Variants in HEPACAM observed in about 807,000 individuals in gnomAD.
The protein encoded by HEPACAM is hepatic and glial cell adhesion molecule, also known as hepatocyte cell adhesion molecule.
HEPACAM carries 18 observed loss-of-function variants against 38.3 expected under a neutral mutation model. The observed-to-expected ratio is 0.47, with a 90% CI of 0.33 to 0.70. The LOEUF (loss-of-function observed/expected upper bound fraction) is 0.70, where lower values mean the gene tolerates loss of function less well. Ranked by LOEUF, HEPACAM falls within the 30% of genes least tolerant of loss-of-function variation. HEPACAM has a pLI of 0.03. For missense variants in HEPACAM, 466 were observed against 563.0 expected, an observed-to-expected ratio of 0.83 and a Z score of 1.74; for synonymous variants, 216 against 243.1, an observed-to-expected ratio of 0.89 and a Z score of 1.04.
chr11:124,919,400 C>G lies in HEPACAM; in HGVS notation c.*1738G>C. On this transcript the variant is annotated 3_prime_UTR_variant, in exon 7 of 7. Transcript: ENST00000298251. Reference sequence around the variant, plus strand: ...CAATTTAAGGCAGATTTGGCTTAAGCCTGGCAAGCTGGCCCCTCAGGGATT... The same window carrying G: ...CAATTTAAGGCAGATTTGGCTTAAGGCTGGCAAGCTGGCCCCTCAGGGATT... 1 of 266,080 alleles carries G rather than the reference C, an allele frequency of 3.8e-6. No individual in the cohort carries two copies. The highest frequency in any genetic ancestry group is 4.9e-5 in the Admixed American group (1 of 20,304). 16.5% of individuals were successfully genotyped at this position (266,080 alleles called of 1,614,324 possible).
chr11:124,920,701 A>G lies in HEPACAM; in HGVS notation c.*437T>C. The G allele has an allele frequency of 9.7e-7, 1 of 1,032,772 alleles. No individual in the cohort carries two copies. Among genetic ancestry groups the G allele is most frequent in the Non-Finnish European group, 1.2e-6 (1 of 857,600 alleles). 64.0% of individuals were successfully genotyped at this position (1,032,772 alleles called of 1,614,324 possible). On this transcript the variant is annotated 3_prime_UTR_variant, in exon 7 of 7. Transcript: ENST00000298251. ...TGCAAAAAAAAAAAAAAAAAAAAAA[A>G]AAAAAAAAGTGCCCCAGCACTCAGG...
chr11:124,927,500 G>A (rs1352831026), intron 1 of HEPACAM, among the ~76,000 whole-genome samples: 1 of 132,130 alleles, frequency 7.6e-6, no homozygotes, highest in African/African-American at 2.9e-5. Context: ...GTGCCACTAT[G>A]CCCAGCTAGG....
chr11:124,932,585 A>T (rs938033286), intron 1 of HEPACAM, among the ~76,000 whole-genome samples: 1 of 152,182 alleles, frequency 6.6e-6, no homozygotes, highest in Non-Finnish European at 1.5e-5. Context: ...TGTCTGCCAT[A>T]GTATAAGATT....
Position 124,923,464 on chromosome 11 carries a change from G to A in HEPACAM, c.710-31C>T, listed in dbSNP as rs760034257. On this transcript the variant is annotated intron_variant, in intron 3 of 6. Coordinates refer to ENST00000298251, the MANE Select transcript of HEPACAM (RefSeq NM_152722.5). Reference sequence around the variant, plus strand: ...GAGAGAGAGAAGCAGAGAGGCAGGAGGGACTTCAAAGGGGCAAGATGTGGT... The same window carrying A: ...GAGAGAGAGAAGCAGAGAGGCAGGAAGGACTTCAAAGGGGCAAGATGTGGT... The A allele has an allele frequency of 5.3e-6, 8 of 1,497,884 alleles. No homozygotes were observed. The Admixed American group carries it at 1.3e-4, about 25-fold the overall frequency. 92.8% of individuals were successfully genotyped at this position (1,497,884 alleles called of 1,614,324 possible). A position where few individuals can be genotyped will look rare whatever the true frequency, so the allele number is the denominator to read the frequency against.
Position 124,919,869 on chromosome 11 carries a change from A to G in HEPACAM, c.*1269T>C. The G allele has an allele frequency of 6.2e-7, 1 of 1,614,162 alleles. No individual in the cohort carries two copies. The highest frequency in any genetic ancestry group is 2.2e-5 in the East Asian group (1 of 44,884). ...TTAAGGAGGAGGGAATGGAATACAC[A>G]GAGGGCCTCCTTCTCTTTCAGCTTT... On this transcript the variant is annotated 3_prime_UTR_variant, in exon 7 of 7. Coordinates refer to ENST00000298251, the MANE Select transcript of HEPACAM (RefSeq NM_152722.5).
At chr11:124,933,677 C>T (rs2135408083) in intron 1 of HEPACAM, among the ~76,000 whole-genome samples, 1 of 152,216 alleles carries the variant, frequency 6.6e-6, no homozygotes, top group East Asian at 1.9e-4. Flanking sequence ...GTCTCCATAC[C>T]TTCAGCTCTC....
intron 1 of HEPACAM, among the ~76,000 whole-genome samples, chr11:124,934,452 C>T (rs1018247717): frequency 2.0e-5 from 3 of 150,730 alleles, no homozygotes; most frequent in Non-Finnish European, 4.4e-5. Flanking sequence ...AGGGATCATA[C>T]TGGAGTAGGA....
Position 124,920,959 on chromosome 11 carries a change from C to A in HEPACAM, c.*179G>T. 7.3e-7 allele frequency: 1 copy of A among 1,367,728 alleles called. No individual in the cohort carries two copies. Among genetic ancestry groups the A allele is most frequent in the Non-Finnish European group, 9.4e-7 (1 of 1,064,236 alleles). The allele number at this position is 1,367,728 out of a possible 1,614,324, so 84.7% of individuals were successfully genotyped here. ...CCCGGTTTCACCATATCAACACTGC[C>A]GCCTCCGCGCACCCGCCTCCGTCTG... is the stretch of plus-strand genomic sequence containing the variant. On this transcript the variant is annotated 3_prime_UTR_variant, in exon 7 of 7. Coordinates refer to ENST00000298251, the MANE Select transcript of HEPACAM (RefSeq NM_152722.5).
chr11:124,930,239 A>G (rs1478936049), intron 1 of HEPACAM, among the ~76,000 whole-genome samples: 3 of 152,160 alleles, frequency 2.0e-5, no homozygotes, highest in Non-Finnish European at 4.4e-5. Context: ...TTTTAATATT[A>G]TTCCTAATTA....
At position 124,920,354 on chromosome 11, in the gene HEPACAM, A is replaced by C. The variant is rs1159774992; in HGVS notation, c.*784T>G. The C allele has an allele frequency of 7.3e-6, 11 of 1,517,170 alleles. No individual in the cohort carries two copies. Among genetic ancestry groups the C allele is most frequent in the Non-Finnish European group, 9.8e-6 (11 of 1,120,416 alleles). 94.0% of individuals were successfully genotyped at this position (1,517,170 alleles called of 1,614,324 possible). On this transcript the variant is annotated 3_prime_UTR_variant, in exon 7 of 7. Coordinates refer to ENST00000298251, the MANE Select transcript of HEPACAM (RefSeq NM_152722.5). The stretch of plus-strand genomic sequence containing the variant: ...TTCACTTCTCTATAAGAATAAGCCC[A>C]TCCATCTCTTTTATTCATGAACAGA...
rs1306522089 is a variant in HEPACAM, at chr11:124,924,586, A to G, written c.427+142T>C. Reference sequence around the variant, plus strand: ...GTTAGCTGTGCTGTGCCTGTCTGCCAACTTCTAATGTCCACTTGCCTCATT... The same window carrying G: ...GTTAGCTGTGCTGTGCCTGTCTGCCGACTTCTAATGTCCACTTGCCTCATT... On this transcript the variant is annotated intron_variant, in intron 2 of 6. Coordinates refer to ENST00000298251, the MANE Select transcript of HEPACAM (RefSeq NM_152722.5). The surrounding 1 kb of genome is among the most constrained non-coding windows in gnomAD (Gnocchi z 4.4). 1.3e-6 allele frequency: 1 copy of G among 794,984 alleles called. No homozygotes were observed. The highest frequency in any genetic ancestry group is 2.3e-6 in the Non-Finnish European group (1 of 442,992). The allele number at this position is 794,984 out of a possible 1,614,324, so 49.2% of individuals were successfully genotyped here.
At chr11:124,929,047 T>G (rs1302634242) in intron 1 of HEPACAM, among the ~76,000 whole-genome samples, 7 of 152,198 alleles carry the variant, frequency 4.6e-5, no homozygotes. Context: ...GTCTGGACAG[T>G]GACAACCTCA....
chr11:124,926,674 C>T (rs777155189), intron 1 of HEPACAM, among the ~76,000 whole-genome samples: 5 of 152,070 alleles, frequency 3.3e-5, no homozygotes, highest in Admixed American at 6.6e-5. Flanking sequence ...CACCCCTTGC[C>T]GCTTCCTTTG....
Position 124,920,509 on chromosome 11 carries a change from C to A in HEPACAM, c.*629G>T. On this transcript the variant is annotated 3_prime_UTR_variant, in exon 7 of 7. Transcript: ENST00000298251. Reference sequence around the variant, plus strand: ...GAAAAGGAATGTACTCGTACCCTTCCCTCACCACCTTGTAGGTCCCCAGGT... The same window carrying A: ...GAAAAGGAATGTACTCGTACCCTTCACTCACCACCTTGTAGGTCCCCAGGT... The A allele has an allele frequency of 6.8e-7, 1 of 1,471,010 alleles. No homozygotes were observed. Among genetic ancestry groups the A allele is most frequent in the Non-Finnish European group, 9.1e-7 (1 of 1,098,876 alleles). The allele number at this position is 1,471,010 out of a possible 1,614,324, so 91.1% of individuals were successfully genotyped here. A position where few individuals can be genotyped will look rare whatever the true frequency, so the allele number is the denominator to read the frequency against.
intron 1 of HEPACAM, among the ~76,000 whole-genome samples, chr11:124,934,543 A>G (rs1007206113): frequency 6.6e-6 from 1 of 151,366 alleles, no homozygotes; most frequent in Non-Finnish European, 1.5e-5. Flanking sequence ...CCATACCAAG[A>G]CTGGAGTGAT....
In HEPACAM at chr11:124,923,793, G is replaced by A; in HGVS notation, c.645C>T (p.Tyr215=). The change falls in exon 3 of 7, where the codon TAC becomes TAT. Residue 215 remains tyrosine, a synonymous_variant. Transcript: ENST00000298251. ...TRVLMEDDDL[Y]SCMVENPISQ... is the part of the protein sequence containing the mutation. ...TGATGGGGTTCTCCACCATGCAGCTGTACAGGTCGTCATCCTCCATGAGCA... is the reference window on the plus strand; with the variant it reads ...TGATGGGGTTCTCCACCATGCAGCTATACAGGTCGTCATCCTCCATGAGCA... 1.9e-6 allele frequency: 3 copies of A among 1,614,220 alleles called. No homozygotes were observed. The highest frequency in any genetic ancestry group is 2.5e-6 in the Non-Finnish European group (3 of 1,180,042).
chr11:124,924,122 C>A lies in HEPACAM; in HGVS notation c.428-112G>T, dbSNP rs1947176790. On this transcript the variant is annotated intron_variant, in intron 2 of 6. Coordinates refer to ENST00000298251, the MANE Select transcript of HEPACAM (RefSeq NM_152722.5). The surrounding 1 kb of genome is among the most constrained non-coding windows in gnomAD (Gnocchi z 4.4). ...CTTTAACACTACCTTCCAACTCAATCTGTGGGCTGAGAAGACTTCAGACAT... is the reference window on the plus strand; with the variant it reads ...CTTTAACACTACCTTCCAACTCAATATGTGGGCTGAGAAGACTTCAGACAT... 2.9e-6 allele frequency: 3 copies of A among 1,048,706 alleles called. No homozygotes were observed. Among genetic ancestry groups the A allele is most frequent in the Non-Finnish European group, 4.3e-6 (3 of 705,758 alleles). The allele number at this position is 1,048,706 out of a possible 1,614,324, so 65.0% of individuals were successfully genotyped here.
rs774114791 is a variant in HEPACAM, at chr11:124,923,901, G to A, written c.537C>T (p.Thr179=). Residue 179 remains threonine, a synonymous_variant, in exon 3 of 7, where the codon ACC becomes ACT. Coordinates refer to ENST00000298251, the MANE Select transcript of HEPACAM (RefSeq NM_152722.5). The part of the protein sequence containing the change: ...SHENGTKPSY[T]WLKDGKPLLN... ...GGAGGGGCTTGCCATCCTTCAGCCAGGTGTAGCTGGGCTTGGTGCCATTCT... is the reference window on the plus strand; with the variant it reads ...GGAGGGGCTTGCCATCCTTCAGCCAAGTGTAGCTGGGCTTGGTGCCATTCT... The A allele has an allele frequency of 7.4e-6, 12 of 1,613,718 alleles. No homozygotes were observed. Among genetic ancestry groups the A allele is most frequent in the Non-Finnish European group, 1.0e-5 (12 of 1,180,022 alleles).
Position 124,923,880 on chromosome 11 carries a change from G to T in HEPACAM, c.558C>A (p.Pro186=), listed in dbSNP as rs1448513926. ...GGAGCATTCTCGAGTCATTGAGGAG[G>T]GGCTTGCCATCCTTCAGCCAGGTGT... The part of the protein sequence containing the change: ...PSYTWLKDGK[P]LLNDSRMLLS... Residue 186 remains proline (P), a synonymous_variant, in exon 3 of 7, where the codon CCC becomes CCA. Coordinates refer to ENST00000298251, the MANE Select transcript of HEPACAM (RefSeq NM_152722.5). 2 of 1,613,980 alleles carry T rather than the reference G, an allele frequency of 1.2e-6. No homozygotes were observed. Among genetic ancestry groups the T allele is most frequent in the Non-Finnish European group, 1.7e-6 (2 of 1,180,012 alleles).
Sources: allele counts gnomAD v4.1 joint callset (sites outside exome capture counted in the v4.1 genomes callset), GRCh38; gene constraint gnomAD v4.1.1; non-coding constraint Gnocchi (gnomAD v3.1); transcripts MANE v1.5; gene names NCBI Gene and HGNC (gene_info 2026-07-23, HGNC 2026-07-21).